CRACDL: variants seen among roughly 807,000 people sequenced by gnomAD.
CRACDL encodes the protein CRACD-like protein.
A neutral mutation model predicts 70.6 loss-of-function variants in CRACDL; 26 were observed. The observed-to-expected ratio is 0.37, with a 90% CI of 0.27 to 0.51. The LOEUF is 0.51. Ranked by LOEUF, CRACDL falls within the 20% of genes least tolerant of loss-of-function variation. The pLI, the probability that CRACDL is intolerant of heterozygous loss-of-function variation, is 0.94. For missense variants in CRACDL, 1,283 were observed against 1,376.9 expected, an observed-to-expected ratio of 0.93 and a Z score of 1.08; for synonymous variants, 618 against 615.2, an observed-to-expected ratio of 1.00 and a Z score of -0.07.
Position 98,823,021 on chromosome 2 carries a change from G to A in CRACDL, c.1252C>T (p.Pro418Ser), listed in dbSNP as rs747415781. 13 of 1,524,808 alleles carry A rather than the reference G, an allele frequency of 8.5e-6. No homozygotes were observed. In the East Asian group the frequency reaches 3.5e-4, roughly 41 times the overall value. 94.5% of individuals were successfully genotyped at this position (1,524,808 alleles called of 1,614,324 possible). ...GAGGGCGCCTCTGAGGTGGCGGCGG[G>A]GTCAGTCTCGGGGGGAGTCGTGTCC... ...EGDTTPPETD[P>S]AATSEAPSAR... The change falls in exon 7 of 10, where the codon CCC becomes TCC. Residue 418 changes from proline to serine, a missense_variant. Physicochemically the swap from Pro to Ser is moderately conservative, Grantham distance 74. This residue lies in a region of CRACDL where 921 missense variants were observed against 881.9 expected (regional missense o/e 1.04). Coordinates refer to ENST00000397899, the MANE Select transcript of CRACDL (RefSeq NM_207362.3). The surrounding 1 kb of genome is among the most constrained non-coding windows in gnomAD (Gnocchi z 4.0).
At chr2:98,866,458 T>C (rs113606551) in intron 1 of CRACDL, among the ~76,000 whole-genome samples, 11 of 145,010 alleles carry the variant, frequency 7.6e-5, no homozygotes, top group African/African-American at 2.5e-4. Context: ...ACCTGATAGA[T>C]GAAACAATCA....
intron 1 of CRACDL, among the ~76,000 whole-genome samples, chr2:98,849,565 G>A (rs892152824): frequency 6.6e-6 from 1 of 152,008 alleles, no homozygotes; most frequent in Non-Finnish European, 1.5e-5. Flanking sequence ...AGATGTAGGC[G>A]GAGGGCCGGG....
intron 1 of CRACDL, among the ~76,000 whole-genome samples, chr2:98,852,071 T>A (rs918319920): frequency 6.6e-6 from 1 of 152,130 alleles, no homozygotes; most frequent in African/African-American, 2.4e-5. Context: ...AAAGCCATAA[T>A]CTTATGGGCT....
chr2:98,846,615 G>A (rs1706265203), intron 2 of CRACDL, 116 bp downstream of exon 2: 1 of 792,036 alleles, frequency 1.3e-6, no homozygotes, highest in Admixed American at 2.1e-5. Flanking sequence ...AGCACACTGG[G>A]AACTAAATCC....
chr2:98,911,528 G>C (rs1015722530), intron 1 of CRACDL, among the ~76,000 whole-genome samples: 1 of 152,178 alleles, frequency 6.6e-6, no homozygotes, highest in African/African-American at 2.4e-5. Context: ...CATCCAACAC[G>C]CGTTGTCCAA....
chr2:98,843,482 A>C (rs1424434829), intron 2 of CRACDL, among the ~76,000 whole-genome samples: 1 of 152,140 alleles, frequency 6.6e-6, no homozygotes, highest in African/African-American at 2.4e-5. Context: ...GGTCATAACT[A>C]TCTTCTGCTA....
At chr2:98,870,054 A>G (rs182049337) in intron 1 of CRACDL, among the ~76,000 whole-genome samples, 12 of 152,186 alleles carry the variant, frequency 7.9e-5, no homozygotes, top group African/African-American at 2.6e-4. Flanking sequence ...GGTGGCTCCT[A>G]TCTGATTACC....
intron 1 of CRACDL, among the ~76,000 whole-genome samples, chr2:98,871,385 GA>G (rs937523614): frequency 5.9e-5 from 9 of 152,220 alleles, no homozygotes; most frequent in Non-Finnish European, 1.2e-4. Context: ...AACCAGCTAT[GA>G]GTTAAATGGT....
At chr2:98,929,599 C>A (rs1015316458) in intron 1 of CRACDL, among the ~76,000 whole-genome samples, 1 of 152,116 alleles carries the variant, frequency 6.6e-6, no homozygotes, top group East Asian at 1.9e-4. Flanking sequence ...CTCTACAGAC[C>A]CACACCTGGT....
At chr2:98,795,040 A>AATATATAAAAATTTAT (rs1329934418) in intron 9 of CRACDL, among the ~76,000 whole-genome samples, 570 of 27,418 alleles carry the variant, frequency 0.021, 125 homozygotes, top group South Asian at 0.029. Context: ...CATAATTAAA[A>AATATATAAAAATTTAT]ATATATATAT....
At chr2:98,917,986 G>A (rs1708706934) in intron 1 of CRACDL, among the ~76,000 whole-genome samples, 1 of 152,102 alleles carries the variant, frequency 6.6e-6, no homozygotes, top group Non-Finnish European at 1.5e-5. Flanking sequence ...ATTCCACTGT[G>A]TATATATATC....
At position 98,826,962 on chromosome 2, in the gene CRACDL, G is replaced by C; in HGVS notation, c.735+13C>G. The C allele has an allele frequency of 6.2e-7, 1 of 1,600,904 alleles. No homozygotes were observed. Among genetic ancestry groups the C allele is most frequent in the South Asian group, 1.1e-5 (1 of 89,966 alleles). On this transcript the variant is annotated intron_variant, in intron 6 of 9. Transcript: ENST00000397899. ...CCTGGCCTGCCTCTGTGTGGAGAAG[G>C]AAACCCAATTACCGATGAGAGCCGC... is the stretch of plus-strand genomic sequence containing the variant.
chr2:98,794,757 C>T, intron 9 of CRACDL, 86 bp from the exon 10 acceptor site: 4 of 1,156,724 alleles, frequency 3.5e-6, no homozygotes, highest in African/African-American at 1.5e-5. Context: ...TCGAACTAGA[C>T]ATCGAGGTCT....
intron 1 of CRACDL, among the ~76,000 whole-genome samples, chr2:98,896,717 C>T (rs542884463): frequency 6.6e-6 from 1 of 152,300 alleles, no homozygotes; most frequent in South Asian, 2.1e-4. Flanking sequence ...CAGTGACTAC[C>T]AAGCTTGTCC....
At chr2:98,830,727 A>T (rs1046604120) in intron 5 of CRACDL, among the ~76,000 whole-genome samples, 2 of 152,012 alleles carry the variant, frequency 1.3e-5, no homozygotes, top group Non-Finnish European at 2.9e-5. Flanking sequence ...GTGCTGTGAG[A>T]GATAAAGTCA....
At chr2:98,896,953 G>A (rs12712040) in intron 1 of CRACDL, among the ~76,000 whole-genome samples, 62 of 151,986 alleles carry the variant, frequency 4.1e-4, no homozygotes, top group Admixed American at 7.9e-4. Flanking sequence ...AATATTTTGC[G>A]TTATTTCTAA....
intron 1 of CRACDL, among the ~76,000 whole-genome samples, chr2:98,918,990 C>A (rs1708734627): frequency 6.6e-6 from 1 of 152,178 alleles, no homozygotes; most frequent in Non-Finnish European, 1.5e-5. Flanking sequence ...AGGTCTTAGA[C>A]ATGAATTCTT....
chr2:98,825,009 A>C (rs1180121197), intron 6 of CRACDL, among the ~76,000 whole-genome samples: 1 of 152,216 alleles, frequency 6.6e-6, no homozygotes, highest in Non-Finnish European at 1.5e-5. Flanking sequence ...AGCCCACACA[A>C]GGCAGCAGAG....
Position 98,838,116 on chromosome 2 carries a change from T to C in CRACDL, c.239+3A>G. 6.3e-7 allele frequency: 1 copy of C among 1,598,320 alleles called. No homozygotes were observed. The highest frequency in any genetic ancestry group is 8.5e-7 in the Non-Finnish European group (1 of 1,173,656). ...GGCCCGAGGGATGTAAAATGCAACT[T>C]ACTCCAGCTCATCCTCGGAGTCGTA... On this transcript the variant is annotated splice_donor_region_variant and intron_variant, in intron 3 of 9. Coordinates refer to ENST00000397899, the MANE Select transcript of CRACDL (RefSeq NM_207362.3).
Sources: gnomAD v4.1 joint callset for allele counts (sites outside exome capture counted in the v4.1 genomes callset) on GRCh38, gnomAD v4.1.1 for gene constraint, gnomAD v4.1.1 regional missense constraint, Gnocchi (gnomAD v3.1) non-coding constraint, MANE v1.5 for transcripts, NCBI Gene and HGNC (gene_info 2026-07-23, HGNC 2026-07-21) for gene names.